Variants in GRB2 observed in about 807,000 individuals in gnomAD.
GRB2 encodes the protein growth factor receptor bound protein 2.
GRB2 carries 2 observed loss-of-function variants against 27.4 expected under a neutral mutation model. That is an observed-to-expected ratio of 0.07 (90% CI 0.03 to 0.23). The LOEUF (loss-of-function observed/expected upper bound fraction) is 0.23, where lower values mean the gene tolerates loss of function less well. Among genes scored for constraint, GRB2 ranks in the 10% least tolerant of loss-of-function variants. The probability of loss-of-function intolerance (pLI) is 1.00; values close to 1 mark genes in which losing one functional copy is unlikely to be tolerated. For missense variants in GRB2, 102 were observed against 282.4 expected (o/e 0.36, Z 4.58); for synonymous variants, 94 against 99.6 (o/e 0.94, Z 0.33).
At chr17:75,394,050 T>A (rs879475449) in intron 1 of GRB2, 1 of 195,858 alleles carries the variant, frequency 5.1e-6, no homozygotes, top group Non-Finnish European at 1.1e-5. Flanking sequence ...AGGAACCGGC[T>A]GGAGTCCCAC....
At chr17:75,340,708 G>A (rs1468895260) in intron 2 of GRB2, among the ~76,000 whole-genome samples, 1 of 152,126 alleles carries the variant, frequency 6.6e-6, no homozygotes, top group Admixed American at 6.5e-5. Flanking sequence ...TCAGTTTCAA[G>A]CTATAGTGAT....
In GRB2 at chr17:75,319,298, T is replaced by C. The variant is rs973850827; in HGVS notation, c.*1070A>G. The C allele has an allele frequency of 1.6e-5, 2 of 127,284 alleles. No individual in the cohort carries two copies. Among genetic ancestry groups the C allele is most frequent in the African/African-American group, 5.6e-5 (2 of 35,952 alleles). The allele number at this position is 127,284 out of a possible 1,614,324, so 7.9% of individuals were successfully genotyped here. A position where few individuals can be genotyped will look rare whatever the true frequency, so the allele number is the denominator to read the frequency against. On this transcript the variant is annotated 3_prime_UTR_variant, in exon 6 of 6. Transcript: ENST00000316804. ...AAAGCTCTGGACTGCCTTTAACTTA[T>C]TTTAAAACAAAACAAATTAAAAAAA... is the stretch of plus-strand genomic sequence containing the variant.
At chr17:75,330,603 G>A (rs1442165316) in intron 3 of GRB2, among the ~76,000 whole-genome samples, 1 of 152,058 alleles carries the variant, frequency 6.6e-6, no homozygotes, top group Non-Finnish European at 1.5e-5. Flanking sequence ...GAACCCAGCA[G>A]GCGGAGGTTG....
chr17:75,375,849 C>A (rs904423831), intron 2 of GRB2, among the ~76,000 whole-genome samples: 8 of 151,124 alleles, frequency 5.3e-5, no homozygotes, highest in Non-Finnish European at 1.0e-4. Flanking sequence ...CACGGTGAAA[C>A]CCTGTATCTA....
intron 2 of GRB2, among the ~76,000 whole-genome samples, chr17:75,388,164 T>A (rs1017374263): frequency 1.3e-5 from 2 of 152,120 alleles, no homozygotes; most frequent in Non-Finnish European, 2.9e-5. Context: ...TGGCACAATC[T>A]TGGCTCACTG....
chr17:75,344,784 C>A (rs922130147), intron 2 of GRB2, among the ~76,000 whole-genome samples: 1 of 152,088 alleles, frequency 6.6e-6, no homozygotes, highest in Non-Finnish European at 1.5e-5. Flanking sequence ...TTTAATCTTA[C>A]ATGAAATCCT....
At chr17:75,384,911 A>G (rs1277979758) in intron 2 of GRB2, among the ~76,000 whole-genome samples, 1 of 150,870 alleles carries the variant, frequency 6.6e-6, no homozygotes, top group African/African-American at 2.4e-5. Flanking sequence ...GGCTTTATTT[A>G]CAGAGGCCGG....
intron 2 of GRB2, among the ~76,000 whole-genome samples, chr17:75,355,545 GA>G (rs367781708): frequency 3.9e-4 from 50 of 129,482 alleles, no homozygotes; most frequent in Non-Finnish European, 4.7e-4. Flanking sequence ...GGCCATACTG[GA>G]AAAAAAAAAA....
chr17:75,368,553 A>C (rs2078835868), intron 2 of GRB2, among the ~76,000 whole-genome samples: 2 of 142,260 alleles, frequency 1.4e-5, no homozygotes. Flanking sequence ...TTTTTTTTTT[A>C]AAGATAGGAT....
rs568389777 is a variant in GRB2 at position 75,368,204 on chromosome 17, T to A, written c.78+25347A>T. On this transcript the variant is annotated intron_variant, in intron 2 of 5. Coordinates refer to ENST00000316804, the MANE Select transcript of GRB2 (RefSeq NM_002086.5). ...TGCTGGGATTAAAGATAAGAGGCAC[T>A]GTGCTCAGCTGTTTTTTTTTTTTTT... Among the ~76,000 whole-genome samples, 194 of 144,496 alleles carry A rather than the reference T, an allele frequency of 1.3e-3. 2 individuals carry two copies. The highest frequency in any genetic ancestry group is 8.6e-4 in the Non-Finnish European group (57 of 66,298). 94.8% of individuals were successfully genotyped at this position (144,496 alleles called of 152,430 possible).
At chr17:75,389,493 T>C (rs1189844599) in intron 2 of GRB2, among the ~76,000 whole-genome samples, 1 of 152,242 alleles carries the variant, frequency 6.6e-6, no homozygotes, top group East Asian at 1.9e-4. Context: ...GGATAGATCA[T>C]TTAACCTATA....
rs755976757 is a variant in GRB2 at position 75,393,557 on chromosome 17, G to A, written c.72C>T (p.Ile24=). The change falls in exon 2 of 6, where the codon ATC becomes ATT. Residue 24 remains isoleucine (I), a synonymous_variant. Transcript: ENST00000316804. ...GCTCGGCATCAGCACTTACCTTGAG[G>A]ATGTCCCCCCTTTTGAAGCTCAGCT... is the stretch of plus-strand genomic sequence containing the variant. ...DDELSFKRGD[I]LKVLNEECDQ... 16 of 1,613,426 alleles carry A rather than the reference G, an allele frequency of 9.9e-6. No homozygotes were observed. The highest frequency in any genetic ancestry group is 1.3e-5 in the African/African-American group (1 of 74,936).
chr17:75,345,631 C>T (rs4789172), intron 2 of GRB2, among the ~76,000 whole-genome samples: 56,206 of 151,944 alleles, frequency 0.37, 13,082 homozygotes, highest in Non-Finnish European at 0.53. Context: ...AGTTCCAAAT[C>T]GGGAAAGGCT....
chr17:75,359,876 T>G lies in GRB2; in HGVS notation c.79-27079A>C, dbSNP rs187348673. ...ACTTGTGGGTAGTAGCCTCGGCTAT[T>G]AATCTTGGTATATACTCAAGGGCAT... On this transcript the variant is annotated intron_variant, in intron 2 of 5. Transcript: ENST00000316804. Among the ~76,000 whole-genome samples the G allele has an allele frequency of 3.7e-3, 567 of 152,258 alleles. 1 individual carries two copies. The highest frequency in any genetic ancestry group is 5.7e-3 in the Non-Finnish European group (388 of 68,030).
intron 1 of GRB2, among the ~76,000 whole-genome samples, chr17:75,404,378 AC>A (rs1443466875): frequency 6.6e-6 from 1 of 151,970 alleles, no homozygotes; most frequent in East Asian, 1.9e-4. Context: ...AACGCAGGGG[AC>A]GCGCAAAAGT....
chr17:75,362,107 A>G (rs2078786430), intron 2 of GRB2, among the ~76,000 whole-genome samples: 1 of 41,370 alleles, frequency 2.4e-5, no homozygotes, highest in Non-Finnish European at 8.2e-5. Context: ...GACACCATTC[A>G]TCACCCTCAG....
intron 1 of GRB2, among the ~76,000 whole-genome samples, chr17:75,396,829 AAAG>A (rs1469653027): frequency 1.2e-4 from 18 of 152,230 alleles, no homozygotes; most frequent in Admixed American, 2.0e-4. Context: ...AATGATAGGA[AAAG>A]AATAAGGAGT....
chr17:75,368,983 C>T (rs2078838562), intron 2 of GRB2, among the ~76,000 whole-genome samples: 1 of 152,144 alleles, frequency 6.6e-6, no homozygotes, highest in African/African-American at 2.4e-5. Context: ...GAGTCAAGGA[C>T]CATTATTATC....
chr17:75,372,696 T>C (rs2078863728), intron 2 of GRB2: 1 of 152,262 alleles, frequency 6.6e-6, no homozygotes, highest in African/African-American at 2.4e-5. Context: ...ACTTGAAATA[T>C]GGCTGCACTG....
Sources: allele counts gnomAD v4.1 joint callset (sites outside exome capture counted in the v4.1 genomes callset), GRCh38; gene constraint gnomAD v4.1.1; transcripts MANE v1.5; gene names NCBI Gene and HGNC (gene_info 2026-07-23, HGNC 2026-07-21).